Variants in RARB observed in about 807,000 individuals in gnomAD.
The protein encoded by RARB is HBV-activated protein.
A neutral mutation model predicts 51.9 loss-of-function variants in RARB; 17 were observed. That is an observed-to-expected ratio of 0.33 (90% CI 0.22 to 0.49). RARB has a LOEUF of 0.49. Among genes scored for constraint, RARB ranks in the 20% least tolerant of loss-of-function variants. The pLI is 0.99. For missense variants in RARB, 369 were observed against 550.8 expected (o/e 0.67, Z 3.30); for synonymous variants, 215 against 195.4 (o/e 1.10, Z -0.84).
intron 3 of RARB, among the ~76,000 whole-genome samples, chr3:25,508,913 G>T (rs1697747012): frequency 6.6e-6 from 1 of 150,924 alleles, no homozygotes; most frequent in African/African-American, 2.5e-5. Flanking sequence ...AAAAAATTAT[G>T]TTTGGGTACC....
chr3:25,306,022 T>C (rs1314132604), intron 5 of RARB, among the ~76,000 whole-genome samples: 8 of 152,312 alleles, frequency 5.3e-5, no homozygotes, highest in African/African-American at 1.9e-4. Context: ...CTGTAAATAT[T>C]TGGGGGAAAG....
At chr3:24,954,990 A>T (rs1296407390) in intron 2 of RARB, among the ~76,000 whole-genome samples, 1 of 152,130 alleles carries the variant, frequency 6.6e-6, no homozygotes, top group East Asian at 1.9e-4. Flanking sequence ...ATGGACTGCT[A>T]AGTGTTAACC....
intron 2 of RARB, among the ~76,000 whole-genome samples, chr3:24,909,908 T>G (rs1011647887): frequency 6.6e-6 from 1 of 152,176 alleles, no homozygotes. Flanking sequence ...TGTGTGTGTT[T>G]GTATTTATTC....
At chr3:24,988,344 C>T (rs1371528675) in intron 2 of RARB, among the ~76,000 whole-genome samples, 2 of 152,144 alleles carry the variant, frequency 1.3e-5, no homozygotes, top group African/African-American at 4.8e-5. Context: ...GTTTCTGGTT[C>T]ATATTTTTAA....
chr3:25,497,199 A>C (rs1352984885), intron 2 of RARB, among the ~76,000 whole-genome samples: 1 of 152,156 alleles, frequency 6.6e-6, no homozygotes, highest in Admixed American at 6.5e-5. Context: ...ACCAGGTCTT[A>C]AGACTTCTAG....
intron 2 of RARB, among the ~76,000 whole-genome samples, chr3:24,880,829 A>G (rs1023990275): frequency 2.0e-5 from 3 of 152,202 alleles, no homozygotes; most frequent in Admixed American, 6.5e-5. Context: ...TTCTATAAAA[A>G]TGTTGTGTTA....
At chr3:25,414,185 T>TATATACAAATTATAC (rs1559390670) in intron 5 of RARB, among the ~76,000 whole-genome samples, 1 of 152,250 alleles carries the variant, frequency 6.6e-6, no homozygotes, top group Non-Finnish European at 1.5e-5. Flanking sequence ...GCTACTATTG[T>TATATACAAATTATAC]ATCCATCTTC....
At chr3:25,092,024 G>C (rs1699208172) in intron 3 of RARB, among the ~76,000 whole-genome samples, 1 of 152,156 alleles carries the variant, frequency 6.6e-6, no homozygotes, top group African/African-American at 2.4e-5. Flanking sequence ...TGGACTTGTA[G>C]TATTTGGATA....
At chr3:25,479,169 T>A (rs1696108034) in intron 2 of RARB, among the ~76,000 whole-genome samples, 2 of 151,996 alleles carry the variant, frequency 1.3e-5, no homozygotes, top group Non-Finnish European at 2.9e-5. Flanking sequence ...TTTTTTTGCC[T>A]TTGAACTTGG....
intron 3 of RARB, among the ~76,000 whole-genome samples, chr3:25,537,413 A>T (rs1002020221): frequency 6.6e-6 from 1 of 152,070 alleles, no homozygotes; most frequent in Non-Finnish European, 1.5e-5. Flanking sequence ...AATGTGCTGC[A>T]CTCTGTTTGC....
intron 3 of RARB, among the ~76,000 whole-genome samples, chr3:25,067,160 G>A (rs1698679777): frequency 6.6e-6 from 1 of 152,186 alleles, no homozygotes; most frequent in South Asian, 2.1e-4. Context: ...TGTAGAGAGG[G>A]AAGCCTGCCT....
chr3:25,385,466 T>G (rs1706764954), intron 5 of RARB, among the ~76,000 whole-genome samples: 1 of 152,114 alleles, frequency 6.6e-6, no homozygotes, highest in Non-Finnish European at 1.5e-5. Flanking sequence ...TGTCAGCTAC[T>G]GGACAAGACA....
intron 2 of RARB, among the ~76,000 whole-genome samples, chr3:25,006,008 C>T (rs1261807036): frequency 6.6e-6 from 1 of 152,112 alleles, no homozygotes; most frequent in African/African-American, 2.4e-5. Flanking sequence ...CACTGACAAT[C>T]CCACCTCAGG....
chr3:24,849,315 G>T (rs1007409873), intron 1 of RARB, among the ~76,000 whole-genome samples: 56 of 152,280 alleles, frequency 3.7e-4, no homozygotes, highest in African/African-American at 1.3e-3. Flanking sequence ...CTGCAGATAA[G>T]GGGGGAGCTA....
At chr3:25,067,318 G>T (rs76668963) in intron 3 of RARB, among the ~76,000 whole-genome samples, 398 of 152,282 alleles carry the variant, frequency 2.6e-3, no homozygotes, top group African/African-American at 9.0e-3. Flanking sequence ...TTGCAAAAGA[G>T]ATTGAAAAGA....
In RARB at chr3:25,594,587, A is replaced by G. The variant is rs757567712; in HGVS notation, c.1059A>G (p.Lys353=). Residue 353 remains lysine, a synonymous_variant, in exon 7 of 8, where the codon AAA becomes AAG. Transcript: ENST00000330688. Reference sequence around the variant, plus strand: ...AAGAACCATTGCTGGAAGCACTAAAAATTTATATCAGAAAAAGACGACCCA... The same window carrying G: ...AAGAACCATTGCTGGAAGCACTAAAGATTTATATCAGAAAAAGACGACCCA... ...KLQEPLLEAL[K]IYIRKRRPSK... 8.1e-6 allele frequency: 13 copies of G among 1,613,770 alleles called. No homozygotes were observed. Among genetic ancestry groups the G allele is most frequent in the Non-Finnish European group, 1.0e-5 (12 of 1,179,856 alleles).
intron 2 of RARB, among the ~76,000 whole-genome samples, chr3:24,868,361 G>C (rs1420873511): frequency 1.3e-5 from 2 of 152,120 alleles, no homozygotes; most frequent in Non-Finnish European, 2.9e-5. Flanking sequence ...TTATAAGGCT[G>C]ATAAAGCTTT....
intron 2 of RARB, among the ~76,000 whole-genome samples, chr3:24,991,820 C>T (rs555023494): frequency 2.0e-5 from 3 of 151,780 alleles, no homozygotes; most frequent in South Asian, 2.1e-4. Flanking sequence ...TCTGATACCA[C>T]GTGCTCAGCC....
chr3:25,078,534 A>ATTTTTTTTTTTTTTTTTT (rs56349106), intron 3 of RARB, among the ~76,000 whole-genome samples: 1 of 141,292 alleles, frequency 7.1e-6, no homozygotes. Flanking sequence ...CCAACTTTCT[A>ATTTTTTTTTTTTTTTTTT]TTTTTTTTTT....
Sources: gnomAD v4.1 joint callset for allele counts (sites outside exome capture counted in the v4.1 genomes callset) on GRCh38, gnomAD v4.1.1 for gene constraint, MANE v1.5 for transcripts, NCBI Gene and HGNC (gene_info 2026-07-23, HGNC 2026-07-21) for gene names.